Variants in ZNF410 observed in about 807,000 individuals in gnomAD.
ZNF410 encodes the protein another partner for ARF 1.
A neutral mutation model predicts 54.8 loss-of-function variants in ZNF410; 18 were observed. The ratio of observed to expected loss-of-function variants is 0.33; its 90% CI spans 0.23 to 0.49. The LOEUF is 0.49. Ranked by LOEUF, ZNF410 falls within the 20% of genes least tolerant of loss-of-function variation. ZNF410 has a pLI of 0.99. For missense variants in ZNF410, 405 were observed against 569.6 expected, an observed-to-expected ratio of 0.71 and a Z score of 2.94; for synonymous variants, 191 against 207.3, an observed-to-expected ratio of 0.92 and a Z score of 0.68.
At chr14:73,923,276 A>T in intron 10 of ZNF410, 119 bp from the exon 11 acceptor site, 1 of 1,156,224 alleles carries the variant, frequency 8.6e-7, no homozygotes, top group Non-Finnish European at 1.2e-6. Context: ...TGGAAGAAAT[A>T]GAGGAATGTG....
intron 8 of ZNF410, among the ~76,000 whole-genome samples, chr14:73,917,106 A>G (rs1212090059): frequency 6.6e-6 from 1 of 152,218 alleles, no homozygotes; most frequent in Non-Finnish European, 1.5e-5. Flanking sequence ...TTTTCACATT[A>G]AACAATTTTC....
rs779339588 is a variant in ZNF410, at chr14:73,898,272, G to A, written c.580+10G>A. The A allele has an allele frequency of 8.1e-6, 13 of 1,613,808 alleles. No homozygotes were observed. In the South Asian group the frequency reaches 9.9e-5, roughly 12 times the overall value. ...AAAACCAGCAGCAATGGTGAGGCCC[G>A]TCGGCATTTTCCTTGCCACTATTCT... On this transcript the variant is annotated intron_variant, in intron 5 of 11. Transcript: ENST00000555044.
intron 4 of ZNF410, 89 bp from the exon 5 acceptor site, chr14:73,897,982 A>AG (rs2055348871): frequency 1.5e-6 from 2 of 1,292,662 alleles, no homozygotes; most frequent in African/African-American, 1.5e-5. Context: ...AAAAAAAAAA[A>AG]AAAAAAAAGG....
Position 73,909,357 on chromosome 14 carries a change from T to C in ZNF410, c.930T>C (p.Leu310=). Residue 310 remains leucine (L), a synonymous_variant, in exon 8 of 12, where the codon CTT becomes CTC. Transcript: ENST00000555044. ...RRIHTGEKPF[L]CEAQGCGRSF... is the part of the protein sequence containing the mutation. ...TGTCTCTAGGAGAGAAACCTTTCCT[T>C]TGTGAAGCCCAAGGATGTGGCCGTT... The C allele has an allele frequency of 6.2e-7, 1 of 1,613,878 alleles. No homozygotes were observed. The highest frequency in any genetic ancestry group is 8.5e-7 in the Non-Finnish European group (1 of 1,179,914).
At chr14:73,893,581 C>T in intron 2 of ZNF410, 1 of 464,146 alleles carries the variant, frequency 2.2e-6, no homozygotes, top group Non-Finnish European at 3.7e-6. Context: ...GGTCTGTTAA[C>T]TGAAATGTCG....
intron 3 of ZNF410, among the ~76,000 whole-genome samples, chr14:73,894,837 G>C (rs888149315): frequency 1.3e-5 from 2 of 152,140 alleles, no homozygotes; most frequent in Non-Finnish European, 2.9e-5. Flanking sequence ...TTTGAGGGTT[G>C]CTTTATGCTA....
chr14:73,921,145 A>G (rs1418569392), intron 9 of ZNF410, 40 bp downstream of exon 9: 2 of 1,607,810 alleles, frequency 1.2e-6, no homozygotes, highest in Non-Finnish European at 1.7e-6. Flanking sequence ...TACTACTTCT[A>G]GGGTTCCAAG....
rs138952962 is a variant in ZNF410 at position 73,896,461 on chromosome 14, G to T, written c.315G>T (p.Glu105Asp). Reference protein sequence around the residue: ...QKSPEFLSTSESSSLLQDLQP... With the variant: ...QKSPEFLSTSDSSSLLQDLQP... Reference sequence around the variant, plus strand: ...CCCCGGAGTTTTTGTCCACTTCAGAGTCTTCTAGCTTGTTGCAAGATCTAC... The same window carrying T: ...CCCCGGAGTTTTTGTCCACTTCAGATTCTTCTAGCTTGTTGCAAGATCTAC... Residue 105 changes from glutamate to aspartate, a missense_variant, in exon 4 of 12, where the codon GAG becomes GAT. Coordinates refer to ENST00000555044, the MANE Select transcript of ZNF410 (RefSeq NM_021188.3). 1.9e-6 allele frequency: 3 copies of T among 1,614,060 alleles called. No individual in the cohort carries two copies. The highest frequency in any genetic ancestry group is 2.7e-5 in the African/African-American group (2 of 74,918).
At chr14:73,925,376 CGTCGAA>C (rs1168675377) in intron 11 of ZNF410, among the ~76,000 whole-genome samples, 1 of 151,292 alleles carries the variant, frequency 6.6e-6, no homozygotes, top group African/African-American at 2.4e-5. Flanking sequence ...GATAAACCCA[CGTCGAA>C]GTCGAAGTTA....
At chr14:73,921,482 CTT>C (rs2055753593) in intron 9 of ZNF410, among the ~76,000 whole-genome samples, 2 of 152,050 alleles carry the variant, frequency 1.3e-5, no homozygotes, top group African/African-American at 4.8e-5. Flanking sequence ...AGAGTTTAAG[CTT>C]TTTAATTTTT....
intron 8 of ZNF410, among the ~76,000 whole-genome samples, chr14:73,918,155 C>T (rs1186259606): frequency 1.3e-5 from 2 of 152,128 alleles, no homozygotes; most frequent in African/African-American, 4.8e-5. Context: ...GTTGCCCAGG[C>T]TGGAGTGCAG....
At chr14:73,890,179 A>T (rs1323668855) in intron 1 of ZNF410, among the ~76,000 whole-genome samples, 1 of 149,058 alleles carries the variant, frequency 6.7e-6, no homozygotes, top group African/African-American at 2.5e-5. Context: ...ACAAAAAAAC[A>T]TTTATTCAGT....
intron 9 of ZNF410, 115 bp from the exon 10 acceptor site, chr14:73,921,951 C>T (rs1256495958): frequency 1.6e-6 from 2 of 1,236,612 alleles, no homozygotes; most frequent in Non-Finnish European, 1.1e-6. Flanking sequence ...GGTGGCATCC[C>T]ATCTATAGGT....
chr14:73,908,104 T>C (rs572802415), intron 7 of ZNF410, among the ~76,000 whole-genome samples: 3 of 152,308 alleles, frequency 2.0e-5, no homozygotes, highest in Admixed American at 6.5e-5. Flanking sequence ...TGCCAGGATC[T>C]GAAGTCAGAA....
chr14:73,899,980 G>A (rs1224181972), intron 5 of ZNF410, among the ~76,000 whole-genome samples: 1 of 152,012 alleles, frequency 6.6e-6, no homozygotes, highest in Non-Finnish European at 1.5e-5. Flanking sequence ...CAGATCATCT[G>A]AGGTCAGGAA....
chr14:73,889,469 T>C (rs1354160400), intron 1 of ZNF410, among the ~76,000 whole-genome samples: 1 of 149,338 alleles, frequency 6.7e-6, no homozygotes, highest in East Asian at 2.0e-4. Context: ...AGGGTCTCAC[T>C]GTGTTGCCTA....
chr14:73,923,407 A>C lies in ZNF410; in HGVS notation c.1283A>C (p.Glu428Ala). 1 of 1,613,286 alleles carries C rather than the reference A, an allele frequency of 6.2e-7. No homozygotes were observed. Among genetic ancestry groups the C allele is most frequent in the Non-Finnish European group, 8.5e-7 (1 of 1,179,676 alleles). Residue 428 changes from glutamate (E) to alanine (A), a missense_variant, in exon 11 of 12, where the codon GAA becomes GCA. By Grantham distance (107) the Glu-to-Ala change is moderately radical (BLOSUM62 -1). Around this residue, in one of 3 missense-constraint regions of ZNF410, gnomAD observed 127 missense variants for 141.3 expected, o/e 0.90. Coordinates refer to ENST00000555044, the MANE Select transcript of ZNF410 (RefSeq NM_021188.3). ...TGTTGCTTCACAGAGGTGCTTGCTG[A>C]AGGATCCCCACGTTCCCTGTCTTCA... is the stretch of plus-strand genomic sequence containing the variant. The part of the protein sequence containing the change: ...ILGVDDEVLA[E>A]GSPRSLSSVP...
At chr14:73,899,192 A>G (rs1375004571) in intron 5 of ZNF410, among the ~76,000 whole-genome samples, 1 of 152,128 alleles carries the variant, frequency 6.6e-6, no homozygotes, top group Non-Finnish European at 1.5e-5. Context: ...TCAAATGAAA[A>G]TAAAAAGTTA....
At chr14:73,908,445 C>G (rs1317977138) in intron 7 of ZNF410, among the ~76,000 whole-genome samples, 4 of 151,820 alleles carry the variant, frequency 2.6e-5, no homozygotes, top group Non-Finnish European at 5.9e-5. Context: ...TTTTGAGTAC[C>G]TAGCATTCTG....
Sources: gnomAD v4.1 joint callset for allele counts (sites outside exome capture counted in the v4.1 genomes callset) on GRCh38, gnomAD v4.1.1 for gene constraint, gnomAD v4.1.1 regional missense constraint, MANE v1.5 for transcripts, NCBI Gene and HGNC (gene_info 2026-07-23, HGNC 2026-07-21) for gene names.